CTNNA2: variants seen among roughly 807,000 people sequenced by gnomAD.
The protein encoded by CTNNA2 is catenin alpha 2.
In CTNNA2, 42 loss-of-function variants were observed where a neutral mutation model predicts 101.0. The ratio of observed to expected loss-of-function variants is 0.42; its 90% CI spans 0.32 to 0.54. CTNNA2 has a LOEUF of 0.54. Among genes scored for constraint, CTNNA2 ranks in the 20% least tolerant of loss-of-function variants. The probability of loss-of-function intolerance (pLI) is 0.14; values close to 1 mark genes in which losing one functional copy is unlikely to be tolerated. For missense variants in CTNNA2, 871 were observed against 1,223.1 expected, an observed-to-expected ratio of 0.71 and a Z score of 4.29; for synonymous variants, 450 against 456.4, an observed-to-expected ratio of 0.99 and a Z score of 0.18.
intron 7 of CTNNA2, among the ~76,000 whole-genome samples, chr2:79,986,379 A>G (rs1195453397): frequency 6.6e-6 from 1 of 152,056 alleles, no homozygotes; most frequent in African/African-American, 2.4e-5. Context: ...GGCCCTACCT[A>G]CGGCACCCTG....
At chr2:79,207,462 G>A (rs897137976) in intron 2 of CTNNA2, among the ~76,000 whole-genome samples, 10 of 152,172 alleles carry the variant, frequency 6.6e-5, no homozygotes, top group African/African-American at 2.4e-4. Flanking sequence ...AATAATATGA[G>A]AGTTTCTGAA....
chr2:79,926,967 C>T (rs1687062447), intron 7 of CTNNA2, among the ~76,000 whole-genome samples: 1 of 151,956 alleles, frequency 6.6e-6, no homozygotes, highest in Non-Finnish European at 1.5e-5. Context: ...TTATTCATGA[C>T]AGAAGTAGAG....
At chr2:80,483,384 A>T (rs1040568238) in intron 9 of CTNNA2, among the ~76,000 whole-genome samples, 9 of 148,762 alleles carry the variant, frequency 6.0e-5, no homozygotes, top group African/African-American at 2.0e-4. Flanking sequence ...ATATATATAT[A>T]TATTTACATA....
At chr2:80,315,903 A>T (rs1678072835) in intron 7 of CTNNA2, among the ~76,000 whole-genome samples, 1 of 152,168 alleles carries the variant, frequency 6.6e-6, no homozygotes. Flanking sequence ...TGCAGGTATC[A>T]CCTATGGCTT....
At position 79,695,371 on chromosome 2, in the gene CTNNA2, C is replaced by G. The variant is rs539193518; in HGVS notation, c.102+43713C>G. 3.3e-5 allele frequency among the ~76,000 whole-genome samples: 5 copies of G among 151,982 alleles called. No homozygotes were observed. The South Asian group carries it at 1.0e-3, about 32-fold the overall frequency. The stretch of plus-strand genomic sequence containing the variant: ...GGGTTACAGCCTGCAGGCTGGCTAT[C>G]CTGACAGGCTGGTAAGCCAGACACA... On this transcript the variant is annotated intron_variant, in intron 2 of 18. Coordinates refer to ENST00000402739, the MANE Select transcript of CTNNA2 (RefSeq NM_001282597.3).
intron 7 of CTNNA2, among the ~76,000 whole-genome samples, chr2:80,136,659 A>T (rs1702715107): frequency 6.6e-6 from 1 of 151,920 alleles, no homozygotes; most frequent in Non-Finnish European, 1.5e-5. Flanking sequence ...TTCTTTGGTG[A>T]CTTTCTTTTT....
At chr2:80,480,610 C>T (rs143303190) in intron 9 of CTNNA2, among the ~76,000 whole-genome samples, 40 of 152,200 alleles carry the variant, frequency 2.6e-4, no homozygotes, top group African/African-American at 8.9e-4. Flanking sequence ...AAATTGGCAT[C>T]TTGAATTTTC....
At chr2:80,291,121 C>A (rs1024451743) in intron 7 of CTNNA2, among the ~76,000 whole-genome samples, 2 of 152,192 alleles carry the variant, frequency 1.3e-5, no homozygotes, top group African/African-American at 4.8e-5. Flanking sequence ...TAGTTGCAAA[C>A]GAGAATGTTC....
chr2:79,407,957 T>A (rs530486982), intron 4 of CTNNA2, among the ~76,000 whole-genome samples: 1 of 152,164 alleles, frequency 6.6e-6, no homozygotes, highest in African/African-American at 2.4e-5. Context: ...CACTGCTGTA[T>A]CTTTGTTCTT....
chr2:80,562,466 A>G (rs576619025), intron 12 of CTNNA2, among the ~76,000 whole-genome samples: 13 of 152,326 alleles, frequency 8.5e-5, no homozygotes, highest in Admixed American at 5.2e-4. Context: ...TCTATAATAT[A>G]TATACTCTGT....
intron 2 of CTNNA2, among the ~76,000 whole-genome samples, chr2:79,210,110 G>GTA (rs1674152744): frequency 6.6e-6 from 1 of 151,898 alleles, no homozygotes; most frequent in Non-Finnish European, 1.5e-5. Flanking sequence ...GTGTGTGTGT[G>GTA]TGTGTTTAAG....
chr2:79,641,217 G>C (rs1187896391), intron 1 of CTNNA2, among the ~76,000 whole-genome samples: 2 of 152,124 alleles, frequency 1.3e-5, no homozygotes, highest in South Asian at 4.1e-4. Flanking sequence ...GCAATGTTTA[G>C]GATAATTAGT....
At chr2:80,162,554 C>T in intron 7 of CTNNA2, 1 of 1,608,086 alleles carries the variant, frequency 6.2e-7, no homozygotes, top group East Asian at 2.2e-5. Flanking sequence ...GAAATCATCT[C>T]TTTCCTCTGT....
chr2:80,607,369 ATGAAGCCT>A (rs1698116828), intron 16 of CTNNA2, among the ~76,000 whole-genome samples: 2 of 151,894 alleles, frequency 1.3e-5, no homozygotes, highest in African/African-American at 4.8e-5. Context: ...GCCATTGGCA[ATGAAGCCT>A]CAGAAATGTT....
At chr2:80,592,538 C>T (rs1433951002) in intron 15 of CTNNA2, among the ~76,000 whole-genome samples, 2 of 152,178 alleles carry the variant, frequency 1.3e-5, no homozygotes, top group African/African-American at 4.8e-5. Flanking sequence ...TCTGCAGTTC[C>T]ACCTGAGTTC....
intron 18 of CTNNA2, among the ~76,000 whole-genome samples, chr2:80,634,955 C>T (rs1211420769): frequency 6.6e-6 from 1 of 152,098 alleles, no homozygotes; most frequent in African/African-American, 2.4e-5. Flanking sequence ...AATCATAGAG[C>T]TCTCACTGTC....
chr2:80,627,527 G>C (rs749778914), intron 18 of CTNNA2, among the ~76,000 whole-genome samples: 1 of 152,126 alleles, frequency 6.6e-6, no homozygotes, highest in Non-Finnish European at 1.5e-5. Flanking sequence ...TTTGAGAAGT[G>C]TCTGTTCATA....
intron 2 of CTNNA2, among the ~76,000 whole-genome samples, chr2:79,697,458 A>G (rs1684720030): frequency 6.6e-6 from 1 of 152,110 alleles, no homozygotes; most frequent in South Asian, 2.1e-4. Context: ...CCTGGATATC[A>G]AGCACATGTA....
At chr2:79,771,774 C>T in intron 3 of CTNNA2, among the ~76,000 whole-genome samples, 1 of 151,828 alleles carries the variant, frequency 6.6e-6, no homozygotes, top group East Asian at 2.0e-4. Flanking sequence ...CCTGCTGTGA[C>T]CAGTACCAGT....
Sources: allele counts gnomAD v4.1 joint callset (sites outside exome capture counted in the v4.1 genomes callset), GRCh38; gene constraint gnomAD v4.1.1; transcripts MANE v1.5; gene names NCBI Gene and HGNC (gene_info 2026-07-23, HGNC 2026-07-21).